SPOCK1: variants seen among roughly 807,000 people sequenced by gnomAD.
SPOCK1 encodes testican-1.
SPOCK1 carries 23 observed loss-of-function variants against 55.3 expected under a neutral mutation model. The ratio of observed to expected loss-of-function variants is 0.42; its 90% CI spans 0.30 to 0.59. SPOCK1 has a LOEUF of 0.59. Ranked by LOEUF, SPOCK1 falls within the 20% of genes least tolerant of loss-of-function variation. The pLI is 0.22. For missense variants in SPOCK1, 499 were observed against 552.5 expected (o/e 0.90, Z 0.97); for synonymous variants, 226 against 221.0 (o/e 1.02, Z -0.20).
At chr5:137,069,074 T>G (rs565564778) in intron 5 of SPOCK1, among the ~76,000 whole-genome samples, 1 of 152,168 alleles carries the variant, frequency 6.6e-6, no homozygotes, top group Non-Finnish European at 1.5e-5. Context: ...AAAACACAAA[T>G]GCATACCTTT....
At chr5:137,282,738 G>A (rs763799397) in intron 2 of SPOCK1, among the ~76,000 whole-genome samples, 6 of 152,174 alleles carry the variant, frequency 3.9e-5, no homozygotes, top group Non-Finnish European at 8.8e-5. Flanking sequence ...GCCATGAAGA[G>A]ACTTGGCCTC....
intron 2 of SPOCK1, among the ~76,000 whole-genome samples, chr5:137,282,203 A>G (rs1197578633): frequency 6.6e-6 from 1 of 152,258 alleles, no homozygotes; most frequent in Non-Finnish European, 1.5e-5. Context: ...ACAGAGTTTT[A>G]AAAATATACC....
intron 2 of SPOCK1, among the ~76,000 whole-genome samples, chr5:137,408,446 C>T (rs1179283068): frequency 6.6e-6 from 1 of 152,216 alleles, no homozygotes; most frequent in Non-Finnish European, 1.5e-5. Flanking sequence ...TGTGATCATT[C>T]CTGCCTTGCC....
chr5:137,096,871 C>T (rs553137177), intron 5 of SPOCK1, among the ~76,000 whole-genome samples: 1 of 152,172 alleles, frequency 6.6e-6, no homozygotes, highest in Non-Finnish European at 1.5e-5. Flanking sequence ...GTGGAGGACG[C>T]TTGGCTGTCT....
At chr5:137,321,673 A>C (rs1446584614) in intron 2 of SPOCK1, among the ~76,000 whole-genome samples, 1 of 152,164 alleles carries the variant, frequency 6.6e-6, no homozygotes, top group Non-Finnish European at 1.5e-5. Flanking sequence ...CAGGAGTTCA[A>C]GACGAGCTTA....
intron 3 of SPOCK1, among the ~76,000 whole-genome samples, chr5:137,217,594 G>A (rs1355693880): frequency 4.6e-5 from 7 of 152,154 alleles, no homozygotes; most frequent in African/African-American, 2.4e-5. Flanking sequence ...TCCAAATGTC[G>A]GTATCACACT....
chr5:137,410,653 G>C (rs1752190913), intron 2 of SPOCK1, among the ~76,000 whole-genome samples: 1 of 152,232 alleles, frequency 6.6e-6, no homozygotes, highest in African/African-American at 2.4e-5. Flanking sequence ...CCACTGGACA[G>C]CTCTCTTTGC....
At chr5:137,241,582 G>A (rs1354293188) in intron 3 of SPOCK1, among the ~76,000 whole-genome samples, 1 of 152,206 alleles carries the variant, frequency 6.6e-6, no homozygotes, top group African/African-American at 2.4e-5. Flanking sequence ...CTTATGTCAT[G>A]AGAGCTCCAC....
chr5:137,375,968 A>T (rs1287711552), intron 2 of SPOCK1, among the ~76,000 whole-genome samples: 1 of 152,150 alleles, frequency 6.6e-6, no homozygotes, highest in Non-Finnish European at 1.5e-5. Flanking sequence ...TGCGCCTAGG[A>T]GCATCAGGCC....
chr5:137,476,728 C>T (rs948276838), intron 2 of SPOCK1, among the ~76,000 whole-genome samples: 2 of 152,156 alleles, frequency 1.3e-5, no homozygotes, highest in African/African-American at 4.8e-5. Flanking sequence ...AGTTCAACAC[C>T]AGCCTGGCCA....
chr5:137,213,283 T>C (rs1299667424), intron 3 of SPOCK1, among the ~76,000 whole-genome samples: 1 of 152,162 alleles, frequency 6.6e-6, no homozygotes, highest in Non-Finnish European at 1.5e-5. Flanking sequence ...TTAGAGAGGA[T>C]AAGCAACTAA....
chr5:137,318,816 G>T (rs1757930104), intron 2 of SPOCK1, among the ~76,000 whole-genome samples: 1 of 152,160 alleles, frequency 6.6e-6, no homozygotes, highest in South Asian at 2.1e-4. Context: ...TCTTGGTCAA[G>T]ATAAAATTTT....
intron 3 of SPOCK1, among the ~76,000 whole-genome samples, chr5:137,170,587 TTCTCTCTCTCTCTC>T (rs56347412): frequency 2.0e-4 from 28 of 142,600 alleles, no homozygotes; most frequent in African/African-American, 3.1e-4. Context: ...AGCCTGTTAT[TTCTCTCTCTCTCTC>T]TCTCTCTCTC....
At chr5:137,069,506 G>A (rs1020702401) in intron 5 of SPOCK1, among the ~76,000 whole-genome samples, 2 of 152,168 alleles carry the variant, frequency 1.3e-5, no homozygotes, top group Non-Finnish European at 2.9e-5. Context: ...ATGAGGTGAG[G>A]CAGGACACAT....
chr5:137,134,539 C>T (rs528890790), intron 4 of SPOCK1, among the ~76,000 whole-genome samples: 2 of 152,352 alleles, frequency 1.3e-5, no homozygotes, highest in Non-Finnish European at 2.9e-5. Flanking sequence ...GCATGAGCCA[C>T]TTGGAGAAGG....
chr5:137,154,979 T>C (rs897139706), intron 3 of SPOCK1, among the ~76,000 whole-genome samples: 5 of 152,200 alleles, frequency 3.3e-5, no homozygotes, highest in Non-Finnish European at 7.3e-5. Context: ...CTCAGCTCCT[T>C]GCACACTGTG....
At chr5:137,422,732 T>C (rs1041723188) in intron 2 of SPOCK1, among the ~76,000 whole-genome samples, 2 of 152,232 alleles carry the variant, frequency 1.3e-5, no homozygotes, top group African/African-American at 4.8e-5. Flanking sequence ...GGCTTTGAAC[T>C]TCCTCCTTTA....
intron 2 of SPOCK1, among the ~76,000 whole-genome samples, chr5:137,421,361 T>C (rs546801494): frequency 6.6e-6 from 1 of 152,338 alleles, no homozygotes; most frequent in Admixed American, 6.5e-5. Context: ...TTGTTAACTT[T>C]CTGTCTCGTT....
chr5:137,496,506 G>A (rs145910560), intron 2 of SPOCK1, among the ~76,000 whole-genome samples: 1 of 152,294 alleles, frequency 6.6e-6, no homozygotes, highest in Non-Finnish European at 1.5e-5. Context: ...GCTGCCAGGA[G>A]CACCAAGGCA....
Sources: allele counts gnomAD v4.1 joint callset (sites outside exome capture counted in the v4.1 genomes callset), GRCh38; gene constraint gnomAD v4.1.1; transcripts MANE v1.5; gene names NCBI Gene and HGNC (gene_info 2026-07-23, HGNC 2026-07-21).